Variants in UNC45B observed in about 807,000 individuals in gnomAD.
UNC45B encodes the protein unc-45 myosin chaperone B, also known as protein unc-45 homolog B.
A neutral mutation model predicts 98.7 loss-of-function variants in UNC45B; 78 were observed. That is an observed-to-expected ratio of 0.79 (90% CI 0.66 to 0.95). The LOEUF (loss-of-function observed/expected upper bound fraction) is 0.95. Ranked by LOEUF, UNC45B falls within the 40% of genes least tolerant of loss-of-function variation. The pLI is 0.00. For missense variants in UNC45B, 1,225 were observed against 1,184.9 expected (o/e 1.03, Z -0.50); for synonymous variants, 462 against 480.4 (o/e 0.96, Z 0.50).
chr17:35,174,057 C>T (rs1344113785), intron 13 of UNC45B, among the ~76,000 whole-genome samples, 185 bp from the exon 14 acceptor site: 3 of 152,010 alleles, frequency 2.0e-5, no homozygotes, highest in South Asian at 2.1e-4. Flanking sequence ...GTGGTCCGCC[C>T]GCCTCAGCCT....
intron 14 of UNC45B, among the ~76,000 whole-genome samples, chr17:35,175,091 A>AAGAAAGAAAGAAAGAAAGAAAG (rs1567766068): frequency 2.3e-5 from 3 of 132,678 alleles, no homozygotes; most frequent in African/African-American, 8.1e-5. Context: ...AAGAAAGAGA[A>AAGAAAGAAAGAAAGAAAGAAAG]AGAAAGAAAA....
chr17:35,170,358 T>C, intron 12 of UNC45B, 103 bp downstream of exon 12: 2 of 1,325,952 alleles, frequency 1.5e-6, no homozygotes, highest in Admixed American at 2.9e-5. Context: ...CTCTACTCCT[T>C]ACCCCTGTAT....
rs577413644 is a variant in UNC45B, at chr17:35,171,448, G to A, written c.1816G>A (p.Glu606Lys). 11 of 1,614,088 alleles carry A rather than the reference G, an allele frequency of 6.8e-6. No individual in the cohort carries two copies. Among genetic ancestry groups the A allele is most frequent in the East Asian group, 6.7e-5 (3 of 44,886 alleles). ...CAAGTTCTCCAAGCAGCATGTGCCCGAGGAACACCCCAAGGTAGGGTCAGG... is the reference window on the plus strand; with the variant it reads ...CAAGTTCTCCAAGCAGCATGTGCCCAAGGAACACCCCAAGGTAGGGTCAGG... Reference protein sequence around the residue: ...LAKFSKQHVPEEHPKDKKDFI... With the variant: ...LAKFSKQHVPKEHPKDKKDFI... Residue 606 changes from glutamate to lysine, a missense_variant, in exon 13 of 20, where the codon GAG (glutamate) becomes AAG (lysine). Physicochemically the swap from Glu to Lys is moderately conservative, Grantham distance 56. Transcript: ENST00000394570.
intron 13 of UNC45B, among the ~76,000 whole-genome samples, chr17:35,172,802 C>T (rs1004412614): frequency 4.6e-5 from 7 of 152,198 alleles, no homozygotes; most frequent in South Asian, 4.1e-4. Context: ...CCTCTCTCTA[C>T]CTCCACTCCC....
chr17:35,176,113 C>G, intron 15 of UNC45B, 79 bp downstream of exon 15: 1 of 1,407,910 alleles, frequency 7.1e-7, no homozygotes, highest in South Asian at 1.2e-5. Flanking sequence ...ACCCTCTGCC[C>G]CAACTCGACC....
chr17:35,151,209 CA>C (rs1472837556), intron 4 of UNC45B: 1 of 297,032 alleles, frequency 3.4e-6, no homozygotes, highest in African/African-American at 2.4e-5. Flanking sequence ...CCTCCGCTGA[CA>C]AATATGCTTA....
chr17:35,162,068 T>C (rs568918423), intron 8 of UNC45B, among the ~76,000 whole-genome samples: 2 of 152,310 alleles, frequency 1.3e-5, no homozygotes, highest in East Asian at 3.9e-4. Context: ...TTCCTGAGTT[T>C]CTGTTTTTGT....
chr17:35,163,517 A>G (rs1436331192), intron 8 of UNC45B, among the ~76,000 whole-genome samples: 1 of 152,216 alleles, frequency 6.6e-6, no homozygotes, highest in African/African-American at 2.4e-5. Flanking sequence ...CTTAATAAAT[A>G]CACACTCAAT....
intron 9 of UNC45B, among the ~76,000 whole-genome samples, chr17:35,165,153 C>T (rs537229102): frequency 1.2e-4 from 19 of 152,358 alleles, no homozygotes; most frequent in African/African-American, 4.3e-4. Context: ...CATCAACTAC[C>T]TTGCCCAGCC....
At chr17:35,171,214 A>T in intron 12 of UNC45B, 108 bp from the exon 13 acceptor site, 1 of 1,425,268 alleles carries the variant, frequency 7.0e-7, no homozygotes, top group Non-Finnish European at 9.6e-7. Context: ...TACCAGCTGC[A>T]CTCCTCCGAC....
In UNC45B at chr17:35,164,090, A is replaced by C; in HGVS notation, c.1075A>C (p.Ile359Leu). Residue 359 changes from isoleucine to leucine, a missense_variant, in exon 9 of 20, where the codon ATC becomes CTC. Physicochemically the swap from Ile to Leu is conservative, Grantham distance 5. Coordinates refer to ENST00000394570, the MANE Select transcript of UNC45B (RefSeq NM_001267052.2). ...DNTRMLASIL[I>L]NKLYDDLRCD... Reference sequence around the variant, plus strand: ...CACCCGCATGCTGGCCTCTATCCTCATCAACAAGCTCTATGATGACCTGCG... The same window carrying C: ...CACCCGCATGCTGGCCTCTATCCTCCTCAACAAGCTCTATGATGACCTGCG... The C allele has an allele frequency of 6.2e-7, 1 of 1,614,078 alleles. No individual in the cohort carries two copies. Among genetic ancestry groups the C allele is most frequent in the Non-Finnish European group, 8.5e-7 (1 of 1,179,992 alleles).
At chr17:35,149,246 C>T (rs1413333870) in intron 3 of UNC45B, among the ~76,000 whole-genome samples, 2 of 152,130 alleles carry the variant, frequency 1.3e-5, no homozygotes, top group Non-Finnish European at 2.9e-5. Flanking sequence ...CTTCAAATTC[C>T]TAAAAGGCTG....
rs1281278206 is a variant in UNC45B, at chr17:35,186,594, T to C, written c.*35T>C. On this transcript the variant is annotated 3_prime_UTR_variant, in exon 20 of 20. Transcript: ENST00000394570. ...CTCAGGGATGCTGGGAGTGGTCCTG[T>C]ACTGTGCAGAGTCCTGGGTTGGTTG... 5 of 1,609,450 alleles carry C rather than the reference T, an allele frequency of 3.1e-6. No homozygotes were observed. Among genetic ancestry groups the C allele is most frequent in the African/African-American group, 1.3e-5 (1 of 75,004 alleles).
intron 19 of UNC45B, among the ~76,000 whole-genome samples, chr17:35,185,740 G>T (rs1293642398): frequency 6.6e-6 from 1 of 152,076 alleles, no homozygotes; most frequent in African/African-American, 2.4e-5. Flanking sequence ...TTAGAGGAAG[G>T]TATAGAAGAT....
In UNC45B at chr17:35,164,077, G is replaced by A; in HGVS notation, c.1062G>A (p.Leu354=). Residue 354 remains leucine (L), a synonymous_variant, in exon 9 of 20, where the codon CTG becomes CTA. Transcript: ENST00000394570. ...CCCTGACTGACAACACCCGCATGCT[G>A]GCCTCTATCCTCATCAACAAGCTCT... The part of the protein sequence containing the change: ...CLPLTDNTRM[L]ASILINKLYD... The A allele has an allele frequency of 6.2e-7, 1 of 1,614,054 alleles. No individual in the cohort carries two copies. Among genetic ancestry groups the A allele is most frequent in the South Asian group, 1.1e-5 (1 of 91,074 alleles).
chr17:35,182,908 C>A (rs750835023), intron 18 of UNC45B, among the ~76,000 whole-genome samples: 2 of 151,904 alleles, frequency 1.3e-5, no homozygotes, highest in African/African-American at 4.8e-5. Flanking sequence ...GCACTGGTCC[C>A]CTGGAAGCTC....
At chr17:35,171,837 G>A (rs1256506897) in intron 13 of UNC45B, among the ~76,000 whole-genome samples, 1 of 152,160 alleles carries the variant, frequency 6.6e-6, no homozygotes, top group African/African-American at 2.4e-5. Flanking sequence ...GTGCTAAGTA[G>A]GAATCATGAG....
intron 13 of UNC45B, among the ~76,000 whole-genome samples, chr17:35,172,307 T>C (rs1370701140): frequency 6.6e-6 from 1 of 152,180 alleles, no homozygotes; most frequent in Non-Finnish European, 1.5e-5. Flanking sequence ...TGGAGTGCAG[T>C]GGTGAGATCT....
intron 9 of UNC45B, among the ~76,000 whole-genome samples, chr17:35,166,740 G>T (rs72823682): frequency 0.017 from 2,523 of 152,232 alleles, 35 homozygotes; most frequent in Middle Eastern, 0.037. Flanking sequence ...AGCTGGAGGG[G>T]CTGTCAGAGC....
Sources: allele counts gnomAD v4.1 joint callset (sites outside exome capture counted in the v4.1 genomes callset), GRCh38; gene constraint gnomAD v4.1.1; transcripts MANE v1.5; gene names NCBI Gene and HGNC (gene_info 2026-07-23, HGNC 2026-07-21).